APOA2: variants seen among roughly 807,000 people sequenced by gnomAD.
The protein encoded by APOA2 is apolipoprotein A-II.
APOA2 carries 3 observed loss-of-function variants against 7.4 expected under a neutral mutation model. That is an observed-to-expected ratio of 0.41 (90% CI 0.18 to 1.05). The LOEUF is 1.05. APOA2 is among the 50% of genes least tolerant of loss of function. APOA2 has a pLI of 0.33. For synonymous variants in APOA2, 42 were observed against 47.8 expected (o/e 0.88, Z 0.50); for missense variants, 90 against 116.3 (o/e 0.77, Z 1.04).
rs1200582978 is a variant in APOA2 at position 161,222,299 on chromosome 1, A to G, written c.*106T>C. ...ACATACCAGGCTCAGAGCTGGATTC[A>G]TTCAGCATTTATTGTAGCAAAGAGT... is the stretch of plus-strand genomic sequence containing the variant. On this transcript the variant is annotated 3_prime_UTR_variant, in exon 4 of 4. Coordinates refer to ENST00000367990, the MANE Select transcript of APOA2 (RefSeq NM_001643.2). 3.6e-6 allele frequency: 3 copies of G among 839,278 alleles called. No individual in the cohort carries two copies. In the Admixed American group the frequency reaches 5.7e-5, roughly 16 times the overall value. 52.0% of individuals were successfully genotyped at this position (839,278 alleles called of 1,614,324 possible).
At chr1:161,223,241 C>G (rs1666205168) in intron 2 of APOA2, 109 bp downstream of exon 2, 2 of 1,560,426 alleles carry the variant, frequency 1.3e-6, no homozygotes, top group Non-Finnish European at 1.7e-6. Context: ...GAATGATCTT[C>G]CTTTTGAGCC....
Position 161,222,904 on chromosome 1 carries a change from G to T in APOA2, c.185+14C>A. On this transcript the variant is annotated intron_variant, in intron 3 of 3. Transcript: ENST00000367990. ...CAGTTCCACAGCCCCTGAACCCCTT[G>T]CCCTGAGACTTACTTGGCCTCGGCC... 1 of 1,614,074 alleles carries T rather than the reference G, an allele frequency of 6.2e-7. No individual in the cohort carries two copies. The highest frequency in any genetic ancestry group is 8.5e-7 in the Non-Finnish European group (1 of 1,180,024).
At chr1:161,223,082 C>T (rs1024829541) in intron 2 of APOA2, 32 bp from the exon 3 acceptor site, 11 of 1,607,816 alleles carry the variant, frequency 6.8e-6, no homozygotes, top group Admixed American at 1.7e-5. Flanking sequence ...CACACACACA[C>T]ACACACACAC....
At chr1:161,223,087 AC>A in intron 2 of APOA2, 37 bp from the exon 3 acceptor site, 2 of 1,194,422 alleles carry the variant, frequency 1.7e-6, no homozygotes, top group Non-Finnish European at 2.3e-6. Context: ...ACACACACAC[AC>A]ACACACTCTT....
chr1:161,223,113 C>T (rs751606275), intron 2 of APOA2, 63 bp from the exon 3 acceptor site: 5 of 1,606,348 alleles, frequency 3.1e-6, no homozygotes, highest in Non-Finnish European at 4.2e-6. Context: ...GCTGGGTCCA[C>T]AGCAGTGAAT....
Position 161,222,984 on chromosome 1 carries a change from G to C in APOA2, c.119C>G (p.Thr40Ser), listed in dbSNP as rs1210809387. 1.2e-6 allele frequency: 2 copies of C among 1,613,836 alleles called. No individual in the cohort carries two copies. Among genetic ancestry groups the C allele is most frequent in the African/African-American group, 2.7e-5 (2 of 74,808 alleles). The change falls in exon 3 of 4, where the codon ACC becomes AGC. Residue 40 changes from threonine (T) to serine (S), a missense_variant. By Grantham distance (58) the Thr-to-Ser change is moderately conservative. Coordinates refer to ENST00000367990, the MANE Select transcript of APOA2 (RefSeq NM_001643.2). The part of the protein sequence containing the change: ...VESLVSQYFQ[T>S]VTDYGKDLME... ...CAGGTCCTTGCCATAGTCAGTCACGGTCTGGAAGTACTGAGAAACCAGGCT... is the reference window on the plus strand; with the variant it reads ...CAGGTCCTTGCCATAGTCAGTCACGCTCTGGAAGTACTGAGAAACCAGGCT...
chr1:161,222,423 T>C lies in APOA2; in HGVS notation c.285A>G (p.Thr95=). The C allele has an allele frequency of 6.2e-7, 1 of 1,614,210 alleles. No homozygotes were observed. Reference sequence around the variant, plus strand: ...GGACACTTCACTGGGTGGCAGGCTGTGTTCCAAGTTCCACGAAATAGCTCA... The same window carrying C: ...GGACACTTCACTGGGTGGCAGGCTGCGTTCCAAGTTCCACGAAATAGCTCA... ...NFLSYFVELG[T]QPATQ The change falls in exon 4 of 4, where the codon ACA becomes ACG. Residue 95 remains threonine (T), a synonymous_variant. Coordinates refer to ENST00000367990, the MANE Select transcript of APOA2 (RefSeq NM_001643.2).
chr1:161,222,535 G>C lies in APOA2; in HGVS notation c.186-13C>G. ...TTCAAAGTAAGACCTGGATAGGTGAGGGGATTAGAGTTTAATCTGAGGGAC... is the reference window on the plus strand; with the variant it reads ...TTCAAAGTAAGACCTGGATAGGTGACGGGATTAGAGTTTAATCTGAGGGAC... On this transcript the variant is annotated splice_polypyrimidine_tract_variant and intron_variant, in intron 3 of 3. Transcript: ENST00000367990. The C allele has an allele frequency of 6.2e-7, 1 of 1,608,624 alleles. No individual in the cohort carries two copies. Among genetic ancestry groups the C allele is most frequent in the Non-Finnish European group, 8.5e-7 (1 of 1,175,036 alleles).
chr1:161,222,554 G>A (rs369936134), intron 3 of APOA2, 32 bp from the exon 4 acceptor site: 13 of 1,588,042 alleles, frequency 8.2e-6, no homozygotes, highest in African/African-American at 1.3e-5. Context: ...AGTTTAATCT[G>A]AGGGACCCTA....
Position 161,222,430 on chromosome 1 carries a change from A to T in APOA2, c.278T>A (p.Leu93His). The T allele has an allele frequency of 6.2e-7, 1 of 1,614,210 alleles. No homozygotes were observed. Among genetic ancestry groups the T allele is most frequent in the Non-Finnish European group, 8.5e-7 (1 of 1,180,034 alleles). ...LVNFLSYFVE[L>H]GTQPATQ ...TCACTGGGTGGCAGGCTGTGTTCCA[A>T]GTTCCACGAAATAGCTCAAGAAGTT... The change falls in exon 4 of 4, where the codon CTT (leucine) becomes CAT (histidine). Residue 93 changes from leucine to histidine, a missense_variant. By Grantham distance (99) the Leu-to-His change is moderately conservative. Transcript: ENST00000367990.
chr1:161,222,577 G>C, intron 3 of APOA2, 55 bp from the exon 4 acceptor site: 1 of 1,489,348 alleles, frequency 6.7e-7, no homozygotes, highest in Non-Finnish European at 9.4e-7. Flanking sequence ...CACTGGCAGG[G>C]GCCTTGGTGG....
In APOA2 at chr1:161,222,507, C is replaced by G; in HGVS notation, c.201G>C (p.Lys67Asn). Residue 67 changes from lysine to asparagine, a missense_variant, in exon 4 of 4, where the codon AAG (lysine) becomes AAC (asparagine). Lys to Asn is a moderately conservative substitution (Grantham distance 94). Transcript: ENST00000367990. ...TCAGGGGTGTCAGCTGCTCCTTTGA[C>G]TTTTCAAAGTAAGACCTGGATAGGT... ...LQAEAKSYFE[K>N]SKEQLTPLIK... 1 of 1,614,066 alleles carries G rather than the reference C, an allele frequency of 6.2e-7. No homozygotes were observed. Among genetic ancestry groups the G allele is most frequent in the African/African-American group, 1.3e-5 (1 of 75,050 alleles).
chr1:161,223,511 A>G (rs1666210834), intron 1 of APOA2, 84 bp downstream of exon 1: 2 of 1,115,340 alleles, frequency 1.8e-6, no homozygotes, highest in Admixed American at 2.0e-5. Context: ...CCTGCTGCCC[A>G]TTCCAACCTG....
intron 2 of APOA2, 53 bp downstream of exon 2, chr1:161,223,297 C>A: frequency 6.2e-7 from 1 of 1,607,120 alleles, no homozygotes; most frequent in Non-Finnish European, 8.5e-7. Flanking sequence ...AGATAGGTAG[C>A]TATAACCACC....
In APOA2 at chr1:161,222,983, G is replaced by A. The variant is rs536923098; in HGVS notation, c.120C>T (p.Thr40=). ...VESLVSQYFQ[T]VTDYGKDLME... ...TCAGGTCCTTGCCATAGTCAGTCAC[G>A]GTCTGGAAGTACTGAGAAACCAGGC... is the stretch of plus-strand genomic sequence containing the variant. The change falls in exon 3 of 4, where the codon ACC becomes ACT. Residue 40 remains threonine (T), a synonymous_variant. Coordinates refer to ENST00000367990, the MANE Select transcript of APOA2 (RefSeq NM_001643.2). The A allele has an allele frequency of 1.1e-5, 18 of 1,613,430 alleles. No homozygotes were observed. The highest frequency in any genetic ancestry group is 5.5e-5 in the South Asian group (5 of 91,066).
intron 2 of APOA2, 80 bp downstream of exon 2, chr1:161,223,270 G>T: frequency 6.3e-7 from 1 of 1,587,970 alleles, no homozygotes; most frequent in South Asian, 1.1e-5. Flanking sequence ...GCCAGACCTG[G>T]ATATAAGAGC....
At chr1:161,222,674 G>C (rs5087) in intron 3 of APOA2, 152 bp from the exon 4 acceptor site, 6 of 922,260 alleles carry the variant, frequency 6.5e-6, no homozygotes, top group Non-Finnish European at 1.0e-5. Context: ...TAGGAATAGA[G>C]TCAAGACCTT....
Position 161,223,042 on chromosome 1 carries a change from C to A in APOA2, c.61G>T (p.Val21Phe). 6.2e-7 allele frequency: 1 copy of A among 1,607,690 alleles called. No homozygotes were observed. The highest frequency in any genetic ancestry group is 8.5e-7 in the Non-Finnish European group (1 of 1,178,690). Residue 21 changes from valine to phenylalanine, a missense_variant, in exon 3 of 4, where the codon GTT becomes TTT. Coordinates refer to ENST00000367990, the MANE Select transcript of APOA2 (RefSeq NM_001643.2). ...CATGGCTCCTTTGCCTGTCTCCGAA[C>A]CAAAGCTCCTGCCCACACACACACA... ...LTICSLEGAL[V>F]RRQAKEPCVE... is the part of the protein sequence containing the mutation.
Position 161,222,674 on chromosome 1 carries a change from G to A in APOA2, c.186-152C>T, listed in dbSNP as rs5087. The A allele has an allele frequency of 2.8e-3, 2,620 of 922,354 alleles. 4 individuals are homozygous for A. Among genetic ancestry groups the A allele is most frequent in the Admixed American group, 3.7e-3 (192 of 52,478 alleles). The allele number at this position is 922,354 out of a possible 1,614,324, so 57.1% of individuals were successfully genotyped here. On this transcript the variant is annotated intron_variant, in intron 3 of 3. Transcript: ENST00000367990. ...GGCAAAGCCCCTAGGTAGGAATAGA[G>A]TCAAGACCTTTGCTAGGTAGAGGGA...
Sources: gnomAD v4.1 joint callset for allele counts on GRCh38, gnomAD v4.1.1 for gene constraint, MANE v1.5 for transcripts, NCBI Gene and HGNC (gene_info 2026-07-23, HGNC 2026-07-21) for gene names.